TEX9: variants seen among roughly 807,000 people sequenced by gnomAD.
TEX9 encodes the protein testis-expressed protein 9.
Under a neutral mutation model 59.6 loss-of-function variants are expected in TEX9, and 74 were observed. The observed-to-expected ratio is 1.24, with a 90% CI of 1.03 to 1.51. The LOEUF (loss-of-function observed/expected upper bound fraction) is 1.51. Among genes scored for constraint, TEX9 ranks in the 40% most tolerant of loss-of-function variants. The pLI is 0.00. For missense variants in TEX9, 522 were observed against 447.8 expected, an observed-to-expected ratio of 1.17 and a Z score of -1.49; for synonymous variants, 186 against 152.2, an observed-to-expected ratio of 1.22 and a Z score of -1.64.
chr15:56,300,711 GA>G (rs1652750795), intron 1 of TEX9, among the ~76,000 whole-genome samples: 38 of 54,364 alleles, frequency 7.0e-4, no homozygotes, highest in Non-Finnish European at 1.5e-3. Context: ...GAGAGAGGGA[GA>G]GAGAGAGAGA....
chr15:56,422,359 A>C (rs1365360798), intron 10 of TEX9, among the ~76,000 whole-genome samples: 1 of 151,750 alleles, frequency 6.6e-6, no homozygotes, highest in Non-Finnish European at 1.5e-5. Flanking sequence ...GGTTGGGATT[A>C]ACTCTATTAG....
chr15:56,318,837 A>T (rs1389495423), intron 1 of TEX9, among the ~76,000 whole-genome samples: 2 of 152,028 alleles, frequency 1.3e-5, no homozygotes, highest in African/African-American at 4.8e-5. Context: ...TTGTGCTATT[A>T]TTGTCACACA....
rs368618621 is a variant in TEX9, at chr15:56,264,889, A to G, written c.-107+20611A>G. 3.3e-5 allele frequency among the ~76,000 whole-genome samples: 5 copies of G among 152,268 alleles called. No individual in the cohort carries two copies. The South Asian group carries it at 1.0e-3, about 32-fold the overall frequency. On this transcript the variant is annotated intron_variant, in intron 1 of 5. Coordinates refer to the TEX9 transcript ENST00000560827. The stretch of plus-strand genomic sequence containing the variant: ...TTTTCTCTATGGAATTGCCTTTGCA[A>G]TTCTGTTAAAAATCAGCTGGTTATA...
chr15:56,340,541 T>C (rs1275284309), intron 1 of TEX9, among the ~76,000 whole-genome samples: 1 of 152,170 alleles, frequency 6.6e-6, no homozygotes, highest in Non-Finnish European at 1.5e-5. Context: ...TCTCTGCTTA[T>C]GAGAACTGGA....
downstream of TEX9, among the ~76,000 whole-genome samples, chr15:56,446,659 G>C (rs1440075193): frequency 6.6e-6 from 1 of 151,890 alleles, no homozygotes; most frequent in Non-Finnish European, 1.5e-5. Context: ...TTTCTGAAAG[G>C]CTCTAATATT....
At chr15:56,361,341 C>A (rs992162301), upstream of TEX9, among the ~76,000 whole-genome samples, 2 of 152,164 alleles carry the variant, frequency 1.3e-5, no homozygotes, top group African/African-American at 4.8e-5. Flanking sequence ...GCATTGAATG[C>A]TAAGCACTCC....
At chr15:56,435,936 T>A (rs2050716859) in intron 12 of TEX9, among the ~76,000 whole-genome samples, 1 of 152,042 alleles carries the variant, frequency 6.6e-6, no homozygotes, top group African/African-American at 2.4e-5. Flanking sequence ...TTAAAAGAAT[T>A]ATTCACCATG....
chr15:56,278,178 A>G (rs770179098), intron 1 of TEX9, among the ~76,000 whole-genome samples: 3 of 152,180 alleles, frequency 2.0e-5, no homozygotes, highest in Non-Finnish European at 2.9e-5. Context: ...ATAAACATTA[A>G]TATCTATAGC....
chr15:56,396,209 C>T (rs373369683), intron 9 of TEX9: 1 of 151,996 alleles, frequency 6.6e-6, no homozygotes, highest in Non-Finnish European at 1.5e-5. Flanking sequence ...TTACATTTCT[C>T]GTTTGTATGG....
At chr15:56,247,541 G>T (rs2043889823) in intron 1 of TEX9, among the ~76,000 whole-genome samples, 2 of 152,148 alleles carry the variant, frequency 1.3e-5, no homozygotes, top group South Asian at 2.1e-4. Context: ...CCATGAAAGG[G>T]TACTGTTTGC....
intron 1 of TEX9, among the ~76,000 whole-genome samples, chr15:56,245,257 G>A (rs1214826739): frequency 6.6e-6 from 1 of 152,162 alleles, no homozygotes; most frequent in Non-Finnish European, 1.5e-5. Flanking sequence ...CTGGCCCACA[G>A]ACTTAAGGCC....
At chr15:56,294,026 C>G (rs1881723719) in intron 1 of TEX9, among the ~76,000 whole-genome samples, 1 of 152,216 alleles carries the variant, frequency 6.6e-6, no homozygotes, top group African/African-American at 2.4e-5. Context: ...TGAGGGCAGT[C>G]TTGTGTAGAC....
chr15:56,427,554 C>A, intron 10 of TEX9, 51 bp from the exon 11 acceptor site: 5 of 1,246,112 alleles, frequency 4.0e-6, no homozygotes, highest in Non-Finnish European at 5.5e-6. Flanking sequence ...ATAATTCTTT[C>A]CATTGAGGCT....
At chr15:56,424,186 T>C (rs2050133211) in intron 10 of TEX9, among the ~76,000 whole-genome samples, 1 of 152,166 alleles carries the variant, frequency 6.6e-6, no homozygotes, top group African/African-American at 2.4e-5. Context: ...TATAATTGTA[T>C]CTATCTTCTT....
At chr15:56,253,146 C>T (rs147090554) in intron 1 of TEX9, among the ~76,000 whole-genome samples, 11 of 152,180 alleles carry the variant, frequency 7.2e-5, no homozygotes, top group East Asian at 3.9e-4. Context: ...AAAAGCCACA[C>T]GGCACCTAAG....
chr15:56,276,470 T>C (rs2044671006), intron 1 of TEX9, among the ~76,000 whole-genome samples: 1 of 152,108 alleles, frequency 6.6e-6, no homozygotes, highest in African/African-American at 2.4e-5. Context: ...AGGATGATGG[T>C]TTCCAGCTTC....
chr15:56,286,491 A>G (rs780232842), intron 1 of TEX9, among the ~76,000 whole-genome samples: 3 of 152,216 alleles, frequency 2.0e-5, no homozygotes, highest in Non-Finnish European at 4.4e-5. Flanking sequence ...CAGACAGGAC[A>G]TAAGCAGTCT....
chr15:56,337,631 A>G (rs1431263858), intron 1 of TEX9, among the ~76,000 whole-genome samples: 2 of 152,046 alleles, frequency 1.3e-5, no homozygotes, highest in African/African-American at 4.8e-5. Flanking sequence ...ATTATAGATG[A>G]ACTTCCCTCT....
At chr15:56,348,937 T>TC (rs2046523883) in intron 1 of TEX9, among the ~76,000 whole-genome samples, 1 of 151,626 alleles carries the variant, frequency 6.6e-6, no homozygotes, top group Non-Finnish European at 1.5e-5. Context: ...TTCTCTTTTT[T>TC]TTCTGGTTCA....
Sources: allele counts gnomAD v4.1 joint callset (sites outside exome capture counted in the v4.1 genomes callset), GRCh38; gene constraint gnomAD v4.1.1; transcripts MANE v1.5; gene names NCBI Gene and HGNC (gene_info 2026-07-23, HGNC 2026-07-21).